SLC30A8: variants seen among roughly 807,000 people sequenced by gnomAD.
SLC30A8 encodes the protein solute carrier family 30 member 8.
In SLC30A8, 27 loss-of-function variants were observed where a neutral mutation model predicts 36.9. The ratio of observed to expected loss-of-function variants is 0.73; its 90% CI spans 0.54 to 1.01. The LOEUF is 1.01. Ranked by LOEUF, SLC30A8 falls within the 50% of genes least tolerant of loss-of-function variation. The pLI is 0.00. For synonymous variants in SLC30A8, 164 were observed against 172.4 expected, an observed-to-expected ratio of 0.95 and a Z score of 0.38; for missense variants, 439 against 452.0, an observed-to-expected ratio of 0.97 and a Z score of 0.26.
intron 3 of SLC30A8, among the ~76,000 whole-genome samples, chr8:117,157,413 A>G (rs911499639): frequency 2.6e-5 from 4 of 152,202 alleles, no homozygotes; most frequent in African/African-American, 9.7e-5. Flanking sequence ...AACAGGGGGT[A>G]GGGGCAGGCA....
At chr8:117,045,959 T>A (rs1004454790) in intron 2 of SLC30A8, among the ~76,000 whole-genome samples, 11 of 151,610 alleles carry the variant, frequency 7.3e-5, no homozygotes, top group East Asian at 3.9e-4. Context: ...TTTTTTTTTT[T>A]AAAACTGACA....
chr8:117,094,648 G>A (rs1181198018), intron 2 of SLC30A8, among the ~76,000 whole-genome samples: 5 of 152,202 alleles, frequency 3.3e-5, no homozygotes, highest in African/African-American at 1.2e-4. Flanking sequence ...AGCACCGCAA[G>A]TTCCCACTCC....
intron 1 of SLC30A8, among the ~76,000 whole-genome samples, chr8:117,135,938 C>T (rs1821339692): frequency 6.6e-6 from 1 of 151,846 alleles, no homozygotes; most frequent in Admixed American, 6.6e-5. Flanking sequence ...TACATTCATT[C>T]ATTTTTCACT....
intron 1 of SLC30A8, among the ~76,000 whole-genome samples, chr8:117,139,990 G>C (rs1179850017): frequency 6.6e-6 from 1 of 151,852 alleles, no homozygotes. Flanking sequence ...AGATAGATAT[G>C]ATTTAAAATG....
chr8:117,023,693 G>C (rs549244559), intron 1 of SLC30A8, among the ~76,000 whole-genome samples: 2 of 148,560 alleles, frequency 1.3e-5, no homozygotes, highest in Admixed American at 6.7e-5. Context: ...GACACAGGAA[G>C]GGGAACATCA....
chr8:117,054,190 C>T (rs1817796619), intron 2 of SLC30A8, among the ~76,000 whole-genome samples: 1 of 149,960 alleles, frequency 6.7e-6, no homozygotes, highest in Non-Finnish European at 1.5e-5. Flanking sequence ...CCTGGATCTC[C>T]TGGACTCAAG....
chr8:117,071,516 T>G (rs1041093546), intron 2 of SLC30A8, among the ~76,000 whole-genome samples: 1 of 152,194 alleles, frequency 6.6e-6, no homozygotes, highest in African/African-American at 2.4e-5. Context: ...TTCACTGTGT[T>G]AATTGTTTTC....
chr8:117,058,750 A>G (rs965655872), intron 2 of SLC30A8, among the ~76,000 whole-genome samples: 53 of 152,342 alleles, frequency 3.5e-4, no homozygotes, highest in African/African-American at 1.2e-3. Context: ...TCTGTGGCAC[A>G]CAAAAGTTAT....
chr8:117,002,691 G>C (rs889229128), intron 1 of SLC30A8, among the ~76,000 whole-genome samples: 1 of 152,010 alleles, frequency 6.6e-6, no homozygotes, highest in African/African-American at 2.4e-5. Context: ...TTGAACCTCT[G>C]CCTCCCGGTT....
chr8:117,175,745 A>G lies in SLC30A8; in HGVS notation c.*3064A>G, dbSNP rs773505723. ...GAATTTTAAATCATCTCAACTTTTG[A>G]GAAATTTTGAGTTATCAACACCGTT... is the stretch of plus-strand genomic sequence containing the variant. On this transcript the variant is annotated 3_prime_UTR_variant, in exon 8 of 8. Coordinates refer to ENST00000456015, the MANE Select transcript of SLC30A8 (RefSeq NM_173851.3). 4 of 152,120 alleles carry G rather than the reference A, an allele frequency of 2.6e-5. No homozygotes were observed. The highest frequency in any genetic ancestry group is 4.4e-5 in the Non-Finnish European group (3 of 68,000). 9.4% of individuals were successfully genotyped at this position (152,120 alleles called of 1,614,324 possible). A position where few individuals can be genotyped will look rare whatever the true frequency, so the allele number is the denominator to read the frequency against.
chr8:116,981,886 A>C (rs1006430543), intron 1 of SLC30A8, among the ~76,000 whole-genome samples: 1 of 152,172 alleles, frequency 6.6e-6, no homozygotes, highest in Non-Finnish European at 1.5e-5. Context: ...ATATGTGTGC[A>C]TGTGTCTTTA....
At chr8:117,125,425 C>T (rs2130910393) in intron 2 of SLC30A8, among the ~76,000 whole-genome samples, 1 of 152,110 alleles carries the variant, frequency 6.6e-6, no homozygotes, top group South Asian at 2.1e-4. Context: ...ACAGCACTAA[C>T]ATGTTAGGAC....
Position 117,017,176 on chromosome 8 carries a change from G to A in SLC30A8, c.-265-22043G>A, listed in dbSNP as rs972326798. The stretch of plus-strand genomic sequence containing the variant: ...TTAATATATGTGAGGCACTAGAACT[G>A]TACCAGGCACAAAGTAAATGCAACA... On this transcript the variant is annotated intron_variant, in intron 1 of 10. Coordinates refer to the SLC30A8 transcript ENST00000427715. Among the ~76,000 whole-genome samples the A allele has an allele frequency of 8.5e-5, 13 of 152,262 alleles. No individual in the cohort carries two copies. In the East Asian group the frequency reaches 1.4e-3, roughly 16 times the overall value.
intron 2 of SLC30A8, among the ~76,000 whole-genome samples, chr8:117,128,887 A>G (rs1263585079): frequency 1.3e-5 from 2 of 152,052 alleles, no homozygotes; most frequent in Non-Finnish European, 2.9e-5. Context: ...AGAAGCAAAC[A>G]TATTCAGTGA....
At chr8:116,981,200 A>G (rs780166331) in intron 1 of SLC30A8, among the ~76,000 whole-genome samples, 15 of 152,010 alleles carry the variant, frequency 9.9e-5, no homozygotes, top group Non-Finnish European at 1.8e-4. Context: ...CTAAGCTGGG[A>G]CTCTCACTCT....
At chr8:117,058,374 T>G (rs1011441527) in intron 2 of SLC30A8, among the ~76,000 whole-genome samples, 7 of 152,198 alleles carry the variant, frequency 4.6e-5, no homozygotes, top group Non-Finnish European at 1.0e-4. Flanking sequence ...ATGCAAAAAC[T>G]TTCTGGTTTA....
intron 1 of SLC30A8, among the ~76,000 whole-genome samples, chr8:116,986,284 A>G (rs1424146208): frequency 3.3e-5 from 5 of 152,078 alleles, no homozygotes; most frequent in Non-Finnish European, 7.4e-5. Context: ...CACTGGGGAC[A>G]TAAGCATTGT....
chr8:117,027,736 C>A (rs982456073), intron 1 of SLC30A8, among the ~76,000 whole-genome samples: 1 of 152,122 alleles, frequency 6.6e-6, no homozygotes, highest in East Asian at 1.9e-4. Flanking sequence ...ATAAAATTCT[C>A]ATTTCTTCAT....
intron 1 of SLC30A8, among the ~76,000 whole-genome samples, chr8:116,995,354 C>G (rs1004997983): frequency 3.3e-5 from 5 of 151,994 alleles, no homozygotes; most frequent in African/African-American, 1.2e-4. Context: ...TAAAGCCATC[C>G]AAATAGGCCA....
Sources: gnomAD v4.1 joint callset for allele counts (sites outside exome capture counted in the v4.1 genomes callset) on GRCh38, gnomAD v4.1.1 for gene constraint, MANE v1.5 for transcripts, NCBI Gene and HGNC (gene_info 2026-07-23, HGNC 2026-07-21) for gene names.